GSAP: variants seen among roughly 807,000 people sequenced by gnomAD.
GSAP encodes the protein gamma-secretase activating protein.
In GSAP, 118 loss-of-function variants were observed where a neutral mutation model predicts 131.7. The observed-to-expected ratio is 0.90, with a 90% CI of 0.77 to 1.04. The LOEUF (loss-of-function observed/expected upper bound fraction) is 1.04. Among genes scored for constraint, GSAP ranks in the 50% least tolerant of loss-of-function variants. GSAP has a pLI of 0.00. For synonymous variants in GSAP, 381 were observed against 363.4 expected (o/e 1.05, Z -0.55); for missense variants, 1,019 against 1,013.2 (o/e 1.01, Z -0.08).
At chr7:77,412,086 G>A (rs1803389670) in intron 1 of GSAP, among the ~76,000 whole-genome samples, 1 of 152,208 alleles carries the variant, frequency 6.6e-6, no homozygotes, top group African/African-American at 2.4e-5. Context: ...GGCTGAGGCA[G>A]GAGAATCGCT....
At chr7:77,378,398 C>T (rs1797280250) in intron 8 of GSAP, among the ~76,000 whole-genome samples, 1 of 151,978 alleles carries the variant, frequency 6.6e-6, no homozygotes. Context: ...GCAGGAGAAT[C>T]GCTTGAATCC....
chr7:77,391,135 AAAAAAAAAAAAAG>A (rs1415358725), intron 5 of GSAP, among the ~76,000 whole-genome samples: 2 of 148,692 alleles, frequency 1.3e-5, no homozygotes, highest in African/African-American at 5.0e-5. Flanking sequence ...CAAAAAAAAA[AAAAAAAAAAAAAG>A]AAAAAGAAAA....
At chr7:77,363,470 A>C (rs1471742514) in intron 12 of GSAP, among the ~76,000 whole-genome samples, 1 of 152,262 alleles carries the variant, frequency 6.6e-6, no homozygotes, top group Non-Finnish European at 1.5e-5. Context: ...ACAAGGAGTC[A>C]GGAAACCTGA....
intron 19 of GSAP, among the ~76,000 whole-genome samples, chr7:77,339,248 G>A (rs1790523793): frequency 6.6e-6 from 1 of 152,160 alleles, no homozygotes; most frequent in Non-Finnish European, 1.5e-5. Context: ...GGTGAAGGTA[G>A]CAGCTTGGAG....
At chr7:77,331,020 G>A (rs1009679841) in intron 19 of GSAP, among the ~76,000 whole-genome samples, 16 of 152,158 alleles carry the variant, frequency 1.1e-4, no homozygotes, top group South Asian at 2.1e-4. Flanking sequence ...ATGTTAATAC[G>A]TTCTTAGTGT....
chr7:77,405,157 C>T (rs1802049103), intron 2 of GSAP, among the ~76,000 whole-genome samples: 1 of 152,182 alleles, frequency 6.6e-6, no homozygotes, highest in Non-Finnish European at 1.5e-5. Flanking sequence ...AAATAACATG[C>T]TTCACATGCC....
At chr7:77,321,215 G>T in intron 25 of GSAP, 118 bp downstream of exon 25, 1 of 696,078 alleles carries the variant, frequency 1.4e-6, no homozygotes. Context: ...AATTAAGCTA[G>T]ATGGTGTTGA....
chr7:77,398,226 G>T (rs1443927758), intron 3 of GSAP, among the ~76,000 whole-genome samples: 2 of 152,218 alleles, frequency 1.3e-5, no homozygotes, highest in East Asian at 3.9e-4. Context: ...TATTAAGAAG[G>T]TTACTAGTAT....
intron 1 of GSAP, 28 bp downstream of exon 1, chr7:77,416,179 GCCCCCA>G: frequency 6.9e-6 from 3 of 435,042 alleles, no homozygotes; most frequent in Non-Finnish European, 1.2e-5. Flanking sequence ...CCCACTCCCC[GCCCCCA>G]CCCCTCTCCG....
At chr7:77,403,025 A>G (rs1276649823) in intron 3 of GSAP, among the ~76,000 whole-genome samples, 1 of 152,196 alleles carries the variant, frequency 6.6e-6, no homozygotes, top group African/African-American at 2.4e-5. Context: ...TGGTATGCAA[A>G]GTGCTCCTAC....
rs190923086 is a variant in GSAP at position 77,312,303 on chromosome 7, G to A, written c.2272-101C>T. 2.9e-3 allele frequency: 1,762 copies of A among 614,632 alleles called. 16 individuals carry two copies. Among genetic ancestry groups the A allele is most frequent in the Non-Finnish European group, 2.7e-3 (967 of 360,462 alleles). The allele number at this position is 614,632 out of a possible 1,614,324, so 38.1% of individuals were successfully genotyped here. ...ATTTTAAAAGTATTATTCCAAAGTA[G>A]CTGGTTAGTCTCCAGGCCCTTGATG... On this transcript the variant is annotated intron_variant, in intron 28 of 30. Coordinates refer to ENST00000257626, the MANE Select transcript of GSAP (RefSeq NM_017439.4).
At chr7:77,375,233 T>C (rs1376548294) in intron 10 of GSAP, 132 bp from the exon 11 acceptor site, 3 of 550,882 alleles carry the variant, frequency 5.4e-6, no homozygotes, top group Non-Finnish European at 9.7e-6. Context: ...ATCATTGTCT[T>C]CAGAGGTTAT....
At chr7:77,331,233 G>A (rs183140626) in intron 19 of GSAP, among the ~76,000 whole-genome samples, 2 of 152,298 alleles carry the variant, frequency 1.3e-5, no homozygotes, top group Admixed American at 1.3e-4. Context: ...CCCAGGAAGT[G>A]GAGCTAGCAG....
At chr7:77,405,640 C>T (rs903635586) in intron 2 of GSAP, among the ~76,000 whole-genome samples, 4 of 152,194 alleles carry the variant, frequency 2.6e-5, no homozygotes, top group East Asian at 1.9e-4. Flanking sequence ...TGGGTTCAAG[C>T]GATTCTCCTG....
rs1370769864 is a variant in GSAP at position 77,317,872 on chromosome 7, C to T, written c.2089+2853G>A. ...AATCCTTCAATCTTTCTAGGGTGTA[C>T]CTCATAACTCATATTCCATTGGGAT... On this transcript the variant is annotated intron_variant, in intron 26 of 30. Coordinates refer to ENST00000257626, the MANE Select transcript of GSAP (RefSeq NM_017439.4). 2.0e-5 allele frequency among the ~76,000 whole-genome samples: 3 copies of T among 152,122 alleles called. No individual in the cohort carries two copies. In the East Asian group the frequency reaches 5.8e-4, roughly 29 times the overall value.
intron 1 of GSAP, chr7:77,415,363 C>T (rs1364848229): frequency 6.6e-6 from 1 of 152,252 alleles, no homozygotes. Flanking sequence ...GACCTACAGG[C>T]ATCATTGCTT....
intron 19 of GSAP, among the ~76,000 whole-genome samples, chr7:77,339,827 C>G (rs932228220): frequency 2.0e-5 from 3 of 152,182 alleles, no homozygotes; most frequent in Non-Finnish European, 4.4e-5. Context: ...TTAATAGGAC[C>G]TTTCCATCAC....
intron 1 of GSAP, among the ~76,000 whole-genome samples, chr7:77,414,250 A>G (rs546830499): frequency 6.6e-6 from 1 of 152,250 alleles, no homozygotes; most frequent in Admixed American, 6.5e-5. Context: ...TTCATAATTT[A>G]CATTTGAAAA....
intron 6 of GSAP, among the ~76,000 whole-genome samples, chr7:77,383,465 ATT>A: frequency 6.6e-6 from 1 of 152,312 alleles, no homozygotes; most frequent in African/African-American, 2.4e-5. Flanking sequence ...CATAACCAGA[ATT>A]TGTCAAGAAA....
Sources: gnomAD v4.1 joint callset for allele counts (sites outside exome capture counted in the v4.1 genomes callset) on GRCh38, gnomAD v4.1.1 for gene constraint, MANE v1.5 for transcripts, NCBI Gene and HGNC (gene_info 2026-07-23, HGNC 2026-07-21) for gene names.